OXSR1: variants seen among roughly 807,000 people sequenced by gnomAD.
OXSR1 encodes the protein serine/threonine-protein kinase OSR1.
OXSR1 carries 24 observed loss-of-function variants against 79.8 expected under a neutral mutation model. The ratio of observed to expected loss-of-function variants is 0.30; its 90% CI spans 0.22 to 0.42. OXSR1 has a LOEUF of 0.42. OXSR1 is among the 10% of genes least tolerant of loss of function. The pLI is 1.00. For synonymous variants in OXSR1, 226 were observed against 209.2 expected (o/e 1.08, Z -0.69); for missense variants, 430 against 618.4 (o/e 0.70, Z 3.23).
intron 4 of OXSR1, among the ~76,000 whole-genome samples, chr3:38,210,108 A>C (rs570476500): frequency 6.6e-6 from 1 of 150,606 alleles, no homozygotes; most frequent in African/African-American, 2.5e-5. Context: ...GCTTGATTGC[A>C]TGGTTTCTGA....
chr3:38,199,529 CT>C (rs1702125278), intron 4 of OXSR1, among the ~76,000 whole-genome samples: 1 of 151,992 alleles, frequency 6.6e-6, no homozygotes, highest in South Asian at 2.1e-4. Context: ...GTGCCCAGCC[CT>C]TTTTTTCTTT....
At position 38,231,839 on chromosome 3, in the gene OXSR1, G is replaced by T. The variant is rs185624534; in HGVS notation, c.951+1409G>T. Among the ~76,000 whole-genome samples, 3 of 152,308 alleles carry T rather than the reference G, an allele frequency of 2.0e-5. No individual in the cohort carries two copies. The East Asian group carries it at 5.8e-4, about 29-fold the overall frequency. On this transcript the variant is annotated intron_variant, in intron 10 of 17. Coordinates refer to ENST00000311806, the MANE Select transcript of OXSR1 (RefSeq NM_005109.3). ...TAAGAAGAGTAAGTTGGGTGCAGTG[G>T]CTCATGCCTGTAATCCCAGCACTTT...
chr3:38,169,054 T>C (rs1286542618), intron 1 of OXSR1, among the ~76,000 whole-genome samples: 1 of 152,248 alleles, frequency 6.6e-6, no homozygotes, highest in African/African-American at 2.4e-5. Context: ...AAAGTAACTG[T>C]ACCATTTTAT....
intron 11 of OXSR1, among the ~76,000 whole-genome samples, chr3:38,239,687 G>A (rs1175815059): frequency 6.6e-6 from 1 of 152,138 alleles, no homozygotes; most frequent in Non-Finnish European, 1.5e-5. Context: ...TAAGTATTCT[G>A]TCAAACATTC....
At chr3:38,241,330 G>T (rs1703029236) in intron 11 of OXSR1, among the ~76,000 whole-genome samples, 1 of 152,046 alleles carries the variant, frequency 6.6e-6, no homozygotes, top group African/African-American at 2.4e-5. Context: ...TGATGTTCCA[G>T]ATTTTAAAAA....
At chr3:38,247,758 T>C (rs1326370197) in intron 14 of OXSR1, 26 bp downstream of exon 14, 1 of 1,476,870 alleles carries the variant, frequency 6.8e-7, no homozygotes, top group African/African-American at 1.4e-5. Flanking sequence ...TTGTTTTGTT[T>C]TCTTTTGTTT....
intron 10 of OXSR1, among the ~76,000 whole-genome samples, chr3:38,231,717 CTTA>C (rs1702810575): frequency 6.6e-6 from 1 of 151,930 alleles, no homozygotes; most frequent in Non-Finnish European, 1.5e-5. Context: ...TATTTTTATG[CTTA>C]TTAATAATAT....
intron 4 of OXSR1, among the ~76,000 whole-genome samples, chr3:38,212,439 T>C (rs902678641): frequency 1.3e-5 from 2 of 152,236 alleles, no homozygotes; most frequent in African/African-American, 4.8e-5. Flanking sequence ...TTTCTCTCTG[T>C]ATCTACCCAA....
chr3:38,166,506 A>C (rs982264690), intron 1 of OXSR1, among the ~76,000 whole-genome samples: 3 of 152,038 alleles, frequency 2.0e-5, no homozygotes, highest in Non-Finnish European at 4.4e-5. Context: ...AAAAGAAGTA[A>C]GAAGGGCTGG....
chr3:38,206,625 G>A (rs1419369986), intron 4 of OXSR1, among the ~76,000 whole-genome samples: 3 of 151,948 alleles, frequency 2.0e-5, no homozygotes, highest in Non-Finnish European at 4.4e-5. Flanking sequence ...TACTTTCATC[G>A]GTGTTCTGAA....
chr3:38,235,906 G>A (rs897458676), intron 10 of OXSR1, among the ~76,000 whole-genome samples: 3 of 152,162 alleles, frequency 2.0e-5, no homozygotes, highest in Non-Finnish European at 4.4e-5. Context: ...GATCCAGGAC[G>A]CACAATCCTC....
rs1703225179 is a variant in OXSR1 at position 38,250,094 on chromosome 3, C to T, written c.1375+76C>T. ...ATGAAATGTGTTGTGAAGTTTCTGT[C>T]CTTTGTGAAGTTTTGCTTTTAAAGG... On this transcript the variant is annotated intron_variant, in intron 15 of 17. Transcript: ENST00000311806. The T allele has an allele frequency of 2.4e-5, 25 of 1,050,244 alleles. 2 individuals are homozygous for T. The highest frequency in any genetic ancestry group is 1.8e-4 in the African/African-American group (11 of 62,824). 65.1% of individuals were successfully genotyped at this position (1,050,244 alleles called of 1,614,324 possible). A position where few individuals can be genotyped will look rare whatever the true frequency, so the allele number is the denominator to read the frequency against.
At chr3:38,219,085 T>C (rs1702539449) in intron 5 of OXSR1, among the ~76,000 whole-genome samples, 1 of 152,202 alleles carries the variant, frequency 6.6e-6, no homozygotes, top group Non-Finnish European at 1.5e-5. Context: ...GTTTCTGTTT[T>C]TAACTTTATG....
chr3:38,243,284 C>G (rs1703072884), intron 12 of OXSR1, among the ~76,000 whole-genome samples: 1 of 152,098 alleles, frequency 6.6e-6, no homozygotes. Flanking sequence ...CCTGCCTTGG[C>G]CTCCCAAAGT....
intron 14 of OXSR1, among the ~76,000 whole-genome samples, chr3:38,249,529 T>C (rs1448440541): frequency 6.6e-6 from 1 of 152,164 alleles, no homozygotes; most frequent in Non-Finnish European, 1.5e-5. Context: ...TGTATTTCAT[T>C]TTATGAGTCT....
chr3:38,226,164 A>G (rs943056322), intron 8 of OXSR1, among the ~76,000 whole-genome samples: 5 of 152,114 alleles, frequency 3.3e-5, no homozygotes, highest in African/African-American at 4.8e-5. Flanking sequence ...TCTAGCTCCC[A>G]TTGGATTCCT....
chr3:38,193,194 G>T, intron 3 of OXSR1: 4 of 1,033,130 alleles, frequency 3.9e-6, no homozygotes, highest in South Asian at 2.6e-5. Flanking sequence ...AGGTGCACAA[G>T]AAATTTTAGT....
chr3:38,224,849 T>G, intron 8 of OXSR1, 145 bp downstream of exon 8: 1 of 563,096 alleles, frequency 1.8e-6, no homozygotes, highest in Non-Finnish European at 3.0e-6. Context: ...TTATACTGGA[T>G]TGGAAATGAA....
chr3:38,186,310 T>A (rs1342204666), intron 2 of OXSR1, among the ~76,000 whole-genome samples: 1 of 152,218 alleles, frequency 6.6e-6, no homozygotes, highest in Non-Finnish European at 1.5e-5. Flanking sequence ...TAATACTTTT[T>A]AAAACATAAC....
Sources: gnomAD v4.1 joint callset for allele counts (sites outside exome capture counted in the v4.1 genomes callset) on GRCh38, gnomAD v4.1.1 for gene constraint, MANE v1.5 for transcripts, NCBI Gene and HGNC (gene_info 2026-07-23, HGNC 2026-07-21) for gene names.